Variants in PPTC7 observed in about 807,000 individuals in gnomAD.
PPTC7 encodes protein phosphatase PTC7 homolog.
PPTC7 carries 6 observed loss-of-function variants against 30.8 expected under a neutral mutation model. The observed-to-expected ratio is 0.19, with a 90% CI of 0.11 to 0.38. PPTC7 has a LOEUF of 0.38. Among genes scored for constraint, PPTC7 ranks in the 10% least tolerant of loss-of-function variants. The pLI is 1.00. For missense variants in PPTC7, 218 were observed against 404.8 expected, an observed-to-expected ratio of 0.54 and a Z score of 3.96; for synonymous variants, 163 against 168.1, an observed-to-expected ratio of 0.97 and a Z score of 0.23.
At chr12:110,563,294 T>G (rs2064454101) in intron 1 of PPTC7, among the ~76,000 whole-genome samples, 3 of 152,072 alleles carry the variant, frequency 2.0e-5, no homozygotes, top group South Asian at 2.1e-4. Flanking sequence ...GCTCAAAGGA[T>G]GGACTGAAAA....
intron 1 of PPTC7, among the ~76,000 whole-genome samples, chr12:110,568,670 T>C (rs1255764724): frequency 1.3e-5 from 2 of 152,206 alleles, no homozygotes; most frequent in Non-Finnish European, 2.9e-5. Flanking sequence ...CAGGGACTAA[T>C]AGGAAGCAAC....
chr12:110,553,687 G>A (rs2064365600), intron 1 of PPTC7, among the ~76,000 whole-genome samples: 1 of 152,136 alleles, frequency 6.6e-6, no homozygotes, highest in African/African-American at 2.4e-5. Context: ...GCTGAGGCGG[G>A]AGGACTGCTT....
chr12:110,539,776 C>G, intron 4 of PPTC7, 46 bp downstream of exon 4: 1 of 1,597,386 alleles, frequency 6.3e-7, no homozygotes, highest in Non-Finnish European at 8.6e-7. Flanking sequence ...ACTCAGCTAT[C>G]CAGAGAGGGC....
chr12:110,565,462 G>C (rs974034154), intron 1 of PPTC7, among the ~76,000 whole-genome samples: 1 of 151,912 alleles, frequency 6.6e-6, no homozygotes, highest in African/African-American at 2.4e-5. Context: ...CACCATCTTG[G>C]CCAGGCTGGT....
intron 4 of PPTC7, among the ~76,000 whole-genome samples, chr12:110,538,795 C>T (rs1365555430): frequency 6.6e-6 from 1 of 152,174 alleles, no homozygotes; most frequent in African/African-American, 2.4e-5. Context: ...CACTTCAGCT[C>T]TAGTTTCAGT....
At chr12:110,562,122 A>T (rs2064442750) in intron 1 of PPTC7, among the ~76,000 whole-genome samples, 1 of 151,748 alleles carries the variant, frequency 6.6e-6, no homozygotes, top group Non-Finnish European at 1.5e-5. Context: ...TCTCTATTTT[A>T]AAAATGAAAA....
intron 3 of PPTC7, among the ~76,000 whole-genome samples, chr12:110,545,583 A>G (rs2064299737): frequency 6.6e-6 from 1 of 152,236 alleles, no homozygotes; most frequent in Admixed American, 6.5e-5. Context: ...GCACAATTTA[A>G]TAAAGTACTG....
chr12:110,547,656 A>T (rs1304152937), intron 2 of PPTC7, among the ~76,000 whole-genome samples: 1 of 152,198 alleles, frequency 6.6e-6, no homozygotes, highest in Non-Finnish European at 1.5e-5. Flanking sequence ...TAAAAAAGCA[A>T]TAGGCAAAGT....
chr12:110,557,180 C>G (rs1488108976), intron 1 of PPTC7, among the ~76,000 whole-genome samples: 1 of 152,214 alleles, frequency 6.6e-6, no homozygotes, highest in African/African-American at 2.4e-5. Context: ...TAAAATCTCA[C>G]TTGTTTGGAT....
At chr12:110,567,928 C>T (rs1339275524) in intron 1 of PPTC7, among the ~76,000 whole-genome samples, 1 of 152,100 alleles carries the variant, frequency 6.6e-6, no homozygotes, top group East Asian at 1.9e-4. Context: ...AAATTCTGTA[C>T]CATTTGAATG....
chr12:110,583,052 G>C lies in PPTC7; in HGVS notation c.-21C>G. On this transcript the variant is annotated 5_prime_UTR_variant, in exon 1 of 6. Coordinates refer to ENST00000354300, the MANE Select transcript of PPTC7 (RefSeq NM_139283.2). ...AACATCGCCGCCGCCGCCCCCCCGA[G>C]GAGGCGGGGGGCCGGGGGAGCAGGA... 7.3e-7 allele frequency: 1 copy of C among 1,377,106 alleles called. No individual in the cohort carries two copies. The highest frequency in any genetic ancestry group is 9.3e-7 in the Non-Finnish European group (1 of 1,076,200). 85.3% of individuals were successfully genotyped at this position (1,377,106 alleles called of 1,614,324 possible).
chr12:110,573,197 TCAA>T (rs1202829390), intron 1 of PPTC7, among the ~76,000 whole-genome samples: 1 of 152,152 alleles, frequency 6.6e-6, no homozygotes, highest in Non-Finnish European at 1.5e-5. Context: ...CATCTTTATA[TCAA>T]AGGCCTTGCA....
chr12:110,556,949 G>C (rs1213299050), intron 1 of PPTC7, among the ~76,000 whole-genome samples: 1 of 152,116 alleles, frequency 6.6e-6, no homozygotes, highest in East Asian at 1.9e-4. Flanking sequence ...CCCTGGCAGG[G>C]GTCAGCCAGA....
chr12:110,543,653 G>T (rs762730229), intron 3 of PPTC7, among the ~76,000 whole-genome samples: 2 of 152,190 alleles, frequency 1.3e-5, no homozygotes, highest in Non-Finnish European at 2.9e-5. Flanking sequence ...TTCTGTCTGT[G>T]AGAGTCTTGC....
intron 1 of PPTC7, among the ~76,000 whole-genome samples, chr12:110,576,381 T>C (rs1257804718): frequency 1.1e-4 from 17 of 152,166 alleles, no homozygotes; most frequent in Admixed American, 9.2e-4. Context: ...CCTAGGTATA[T>C]ATCCCCTCAA....
chr12:110,556,030 T>G (rs1305277859), intron 1 of PPTC7, among the ~76,000 whole-genome samples: 1 of 152,220 alleles, frequency 6.6e-6, no homozygotes, highest in Non-Finnish European at 1.5e-5. Flanking sequence ...ACAAATTGGT[T>G]TCATCTGCAA....
intron 4 of PPTC7, among the ~76,000 whole-genome samples, chr12:110,539,375 C>T (rs1203298305): frequency 6.6e-6 from 1 of 152,174 alleles, no homozygotes; most frequent in African/African-American, 2.4e-5. Context: ...AGCCTAGTTT[C>T]ACCTCCTTCC....
intron 1 of PPTC7, among the ~76,000 whole-genome samples, chr12:110,571,514 T>C (rs1448674938): frequency 6.6e-6 from 1 of 152,002 alleles, no homozygotes; most frequent in African/African-American, 2.4e-5. Context: ...AAGGAAAAAA[T>C]CCCAGATGTA....
chr12:110,544,997 C>G (rs1387972115), intron 3 of PPTC7, among the ~76,000 whole-genome samples: 1 of 152,174 alleles, frequency 6.6e-6, no homozygotes, highest in Non-Finnish European at 1.5e-5. Flanking sequence ...CTATGTCACC[C>G]AGGCTGGACT....
Sources: allele counts gnomAD v4.1 joint callset (sites outside exome capture counted in the v4.1 genomes callset), GRCh38; gene constraint gnomAD v4.1.1; transcripts MANE v1.5; gene names NCBI Gene and HGNC (gene_info 2026-07-23, HGNC 2026-07-21).